GPBP1: variants seen among roughly 807,000 people sequenced by gnomAD.
GPBP1 encodes the protein vasculin.
A neutral mutation model predicts 56.5 loss-of-function variants in GPBP1; 13 were observed. The ratio of observed to expected loss-of-function variants is 0.23; its 90% CI spans 0.15 to 0.37. The LOEUF is 0.37. GPBP1 is among the 10% of genes least tolerant of loss of function. GPBP1 has a pLI of 1.00. For missense variants in GPBP1, 477 were observed against 572.3 expected, an observed-to-expected ratio of 0.83 and a Z score of 1.70; for synonymous variants, 204 against 188.9, an observed-to-expected ratio of 1.08 and a Z score of -0.66.
intron 6 of GPBP1, among the ~76,000 whole-genome samples, chr5:57,242,535 C>T (rs557816797): frequency 1.3e-5 from 2 of 152,220 alleles, no homozygotes; most frequent in African/African-American, 4.8e-5. Context: ...GCCCTCTCCC[C>T]CAGGCATGAG....
At chr5:57,228,454 CAAA>C (rs566335105) in intron 3 of GPBP1, among the ~76,000 whole-genome samples, 1 of 134,906 alleles carries the variant, frequency 7.4e-6, no homozygotes, top group Non-Finnish European at 1.6e-5. Context: ...GACTCTGTCT[CAAA>C]AAAAAAAAAA....
chr5:57,235,053 T>TC (rs553572922), intron 5 of GPBP1, among the ~76,000 whole-genome samples: 123 of 152,278 alleles, frequency 8.1e-4, no homozygotes, highest in African/African-American at 2.7e-3. Flanking sequence ...ACTCCTGTAA[T>TC]CCCAGCACTT....
intron 3 of GPBP1, among the ~76,000 whole-genome samples, chr5:57,219,069 C>T (rs986113973): frequency 1.3e-5 from 2 of 151,890 alleles, no homozygotes; most frequent in African/African-American, 2.4e-5. Context: ...AGTAAAAATT[C>T]ATAGACTGTA....
At chr5:57,260,008 A>T (rs2161137) in intron 10 of GPBP1, among the ~76,000 whole-genome samples, 2 of 151,960 alleles carry the variant, frequency 1.3e-5, no homozygotes, top group Non-Finnish European at 2.9e-5. Flanking sequence ...TGGTAAAGCC[A>T]TGTGCAGTTC....
At chr5:57,185,548 C>T (rs1443804445) in intron 2 of GPBP1, among the ~76,000 whole-genome samples, 1 of 152,240 alleles carries the variant, frequency 6.6e-6, no homozygotes, top group East Asian at 1.9e-4. Flanking sequence ...GGATTACAGG[C>T]GTGAGCCACT....
intron 6 of GPBP1, among the ~76,000 whole-genome samples, chr5:57,241,012 T>C (rs777953154): frequency 3.9e-5 from 6 of 152,118 alleles, no homozygotes; most frequent in Non-Finnish European, 8.8e-5. Context: ...GTAAAAATAT[T>C]TGGTCATGTC....
At chr5:57,250,779 A>G (rs1741347099) in intron 9 of GPBP1, among the ~76,000 whole-genome samples, 175 bp from the exon 10 acceptor site, 1 of 152,118 alleles carries the variant, frequency 6.6e-6, no homozygotes. Context: ...TCCTGACCTC[A>G]GATGATCCAC....
In GPBP1 at chr5:57,214,213, C is replaced by T. The variant is rs748799470; in HGVS notation, c.63+20C>T. 1 of 1,564,808 alleles carries T rather than the reference C, an allele frequency of 6.4e-7. No individual in the cohort carries two copies. Among genetic ancestry groups the T allele is most frequent in the African/African-American group, 1.4e-5 (1 of 73,928 alleles). ...ACAAAGGTACTCTTTCTGCATCTTT[C>T]TTTCTGTCTGCTTCTCTTGCATTCA... On this transcript the variant is annotated intron_variant, in intron 3 of 11. Transcript: ENST00000506184.
At chr5:57,236,988 T>C (rs146048589) in intron 6 of GPBP1, 1 of 678,794 alleles carries the variant, frequency 1.5e-6, no homozygotes, top group East Asian at 2.8e-5. Flanking sequence ...TTTCTTTTGA[T>C]CTTCCTCTTT....
chr5:57,235,426 G>A (rs879721594), intron 5 of GPBP1, among the ~76,000 whole-genome samples: 16 of 137,132 alleles, frequency 1.2e-4, no homozygotes, highest in Non-Finnish European at 2.1e-4. Context: ...TTTTTTTTTT[G>A]TTTTAAATGA....
chr5:57,178,650 G>T (rs1292815388), intron 2 of GPBP1, among the ~76,000 whole-genome samples: 1 of 152,200 alleles, frequency 6.6e-6, no homozygotes, highest in Non-Finnish European at 1.5e-5. Flanking sequence ...ACTTTAATCT[G>T]TGAATAGTCT....
rs566112369 is a variant in GPBP1 at position 57,259,289 on chromosome 5, A to G, written c.1161-1891A>G. 5.8e-4 allele frequency among the ~76,000 whole-genome samples: 89 copies of G among 152,318 alleles called. 1 individual carries two copies. Among genetic ancestry groups the G allele is most frequent in the African/African-American group, 2.0e-3 (84 of 41,570 alleles). The stretch of plus-strand genomic sequence containing the variant: ...TTGATTGTTCATGTGTAAAATGTGG[A>G]TATCATGTTATGTTTTATTCAAGGT... On this transcript the variant is annotated intron_variant, in intron 10 of 11. Coordinates refer to ENST00000506184, the MANE Select transcript of GPBP1 (RefSeq NM_022913.4).
intron 10 of GPBP1, among the ~76,000 whole-genome samples, chr5:57,260,422 A>G (rs1177236542): frequency 1.3e-5 from 2 of 152,122 alleles, no homozygotes; most frequent in East Asian, 1.9e-4. Flanking sequence ...CTTCCACCCA[A>G]GTTTCACCAT....
At chr5:57,251,316 A>G (rs984943122) in intron 10 of GPBP1, among the ~76,000 whole-genome samples, 175 bp downstream of exon 10, 1 of 152,112 alleles carries the variant, frequency 6.6e-6, no homozygotes, top group African/African-American at 2.4e-5. Flanking sequence ...GTTCACTCGC[A>G]TTTACTTTTC....
intron 2 of GPBP1, among the ~76,000 whole-genome samples, chr5:57,187,940 T>G (rs1253767398): frequency 6.6e-6 from 1 of 151,786 alleles, no homozygotes; most frequent in South Asian, 2.1e-4. Flanking sequence ...TATATGTATA[T>G]ATGACATTTA....
At chr5:57,207,738 G>T (rs1180420360) in intron 2 of GPBP1, among the ~76,000 whole-genome samples, 2 of 152,172 alleles carry the variant, frequency 1.3e-5, no homozygotes, top group African/African-American at 4.8e-5. Flanking sequence ...GGGAGATGGA[G>T]TGGGAGGGTG....
intron 2 of GPBP1, among the ~76,000 whole-genome samples, chr5:57,207,604 A>G (rs1755286776): frequency 6.6e-6 from 1 of 152,232 alleles, no homozygotes; most frequent in African/African-American, 2.4e-5. Context: ...GCCCTGCCTT[A>G]TCGCAAGGAC....
intron 3 of GPBP1, among the ~76,000 whole-genome samples, chr5:57,217,589 AAC>A (rs1755753012): frequency 6.6e-6 from 1 of 150,670 alleles, no homozygotes; most frequent in Non-Finnish European, 1.5e-5. Context: ...ACAAACAAAA[AAC>A]ACAAAAAAAC....
At chr5:57,179,627 C>T (rs922771322) in intron 2 of GPBP1, among the ~76,000 whole-genome samples, 2 of 151,918 alleles carry the variant, frequency 1.3e-5, no homozygotes, top group East Asian at 1.9e-4. Flanking sequence ...GACAGAGTTT[C>T]GCAGTTGTTG....
Sources: allele counts gnomAD v4.1 joint callset (sites outside exome capture counted in the v4.1 genomes callset), GRCh38; gene constraint gnomAD v4.1.1; transcripts MANE v1.5; gene names NCBI Gene and HGNC (gene_info 2026-07-23, HGNC 2026-07-21).